SLIT1: variants seen among roughly 807,000 people sequenced by gnomAD.
SLIT1 encodes the protein slit homolog 1 protein.
A neutral mutation model predicts 186.1 loss-of-function variants in SLIT1; 66 were observed. The observed-to-expected ratio is 0.35, with a 90% CI of 0.29 to 0.44. The LOEUF (loss-of-function observed/expected upper bound fraction) is 0.44. Among genes scored for constraint, SLIT1 ranks in the 20% least tolerant of loss-of-function variants. The pLI is 1.00. For synonymous variants in SLIT1, 761 were observed against 833.8 expected, an observed-to-expected ratio of 0.91 and a Z score of 1.50; for missense variants, 1,638 against 2,037.4, an observed-to-expected ratio of 0.80 and a Z score of 3.77.
intron 4 of SLIT1, among the ~76,000 whole-genome samples, chr10:97,096,282 A>C (rs529996201): frequency 6.6e-6 from 1 of 152,272 alleles, no homozygotes; most frequent in African/African-American, 2.4e-5. Flanking sequence ...CTGAGAAAAG[A>C]AAATAAGTAT....
intron 4 of SLIT1, among the ~76,000 whole-genome samples, chr10:97,080,512 G>T (rs1216917652): frequency 6.6e-6 from 1 of 152,204 alleles, no homozygotes; most frequent in African/African-American, 2.4e-5. Flanking sequence ...TAGTTGGGCA[G>T]TTTCCCATTT....
At chr10:97,055,085 C>T (rs1213854462) in intron 13 of SLIT1, among the ~76,000 whole-genome samples, 1 of 152,042 alleles carries the variant, frequency 6.6e-6, no homozygotes, top group African/African-American at 2.4e-5. Context: ...GGCGTGGTGA[C>T]GGGCGCCTGT....
At chr10:97,105,001 T>C (rs1473599440) in intron 4 of SLIT1, among the ~76,000 whole-genome samples, 1 of 151,400 alleles carries the variant, frequency 6.6e-6, no homozygotes, top group African/African-American at 2.4e-5. Context: ...CGGTGCTGAG[T>C]AGGCCACTTT....
chr10:97,077,586 A>G (rs1483176158), intron 4 of SLIT1, among the ~76,000 whole-genome samples: 2 of 152,152 alleles, frequency 1.3e-5, no homozygotes, highest in East Asian at 1.9e-4. Flanking sequence ...TTTCTGTAAC[A>G]TAAGTTTGTA....
At chr10:97,020,820 G>C (rs560139677) in intron 26 of SLIT1, among the ~76,000 whole-genome samples, 24 of 152,378 alleles carry the variant, frequency 1.6e-4, no homozygotes, top group African/African-American at 5.0e-4. Flanking sequence ...GCCGGAACCA[G>C]CCTCCAGTGA....
intron 4 of SLIT1, chr10:97,102,002 TG>T (rs1434397415): frequency 6.6e-6 from 1 of 152,186 alleles, no homozygotes; most frequent in Non-Finnish European, 1.5e-5. Context: ...TCTCAAAGGG[TG>T]GTCGTGGACC....
At position 96,999,924 on chromosome 10, in the gene SLIT1, A is replaced by G. The variant is rs1342014833; in HGVS notation, c.*1188T>C. On this transcript the variant is annotated 3_prime_UTR_variant, in exon 37 of 37. Coordinates refer to ENST00000266058, the MANE Select transcript of SLIT1 (RefSeq NM_003061.3). ...GCACATAAATACTTTTGATGTGATC[A>G]ATGTAGATAGATAGATAGATAGATA... 1 of 150,246 alleles carries G rather than the reference A, an allele frequency of 6.7e-6. No individual in the cohort carries two copies. Among genetic ancestry groups the G allele is most frequent in the Non-Finnish European group, 1.5e-5 (1 of 67,942 alleles). 9.3% of individuals were successfully genotyped at this position (150,246 alleles called of 1,614,324 possible).
Position 97,047,989 on chromosome 10 carries a change from C to T in SLIT1, c.1473G>A (p.Glu491=). The change falls in exon 15 of 37, where the codon GAG becomes GAA. Residue 491 remains glutamate, a synonymous_variant. Coordinates refer to ENST00000266058, the MANE Select transcript of SLIT1 (RefSeq NM_003061.3). ...KSKKFRCSAK[E]QYFIPGTEDY... is the part of the protein sequence containing the mutation. ...CTCTCCTACCTGGAATGAAGTACTG[C>T]TCTTTGGCTGGGAAGAGAAGCAGAA... The T allele has an allele frequency of 6.2e-7, 1 of 1,614,196 alleles. No individual in the cohort carries two copies. Among genetic ancestry groups the T allele is most frequent in the East Asian group, 2.2e-5 (1 of 44,888 alleles).
At chr10:97,034,425 C>T in intron 23 of SLIT1, 46 bp downstream of exon 23, 1 of 1,376,810 alleles carries the variant, frequency 7.3e-7, no homozygotes. Flanking sequence ...GAATGACTCA[C>T]AGCCATGGCC....
At chr10:97,162,521 G>A (rs1364263136) in intron 3 of SLIT1, among the ~76,000 whole-genome samples, 1 of 152,196 alleles carries the variant, frequency 6.6e-6, no homozygotes, top group African/African-American at 2.4e-5. Context: ...GCTGAGGCGG[G>A]GGAATCGCTT....
chr10:97,098,478 G>A (rs1322822034), intron 4 of SLIT1, among the ~76,000 whole-genome samples: 1 of 152,196 alleles, frequency 6.6e-6, no homozygotes, highest in Non-Finnish European at 1.5e-5. Flanking sequence ...AGGACTTGGC[G>A]AGGCAGAGTA....
At position 97,153,889 on chromosome 10, in the gene SLIT1, C is replaced by G. The variant is rs987178362; in HGVS notation, c.413+3929G>C. 4 of 152,212 alleles carry G rather than the reference C, an allele frequency of 2.6e-5. 1 individual carries two copies. The highest frequency in any genetic ancestry group is 9.6e-5 in the African/African-American group (4 of 41,454). 9.4% of individuals were successfully genotyped at this position (152,212 alleles called of 1,614,324 possible). A position where few individuals can be genotyped will look rare whatever the true frequency, so the allele number is the denominator to read the frequency against. ...AAATAACGAGAAATGGCCCTCACAT[C>G]TCAGTGCAGGTCCCTGGGAGGGCCA... On this transcript the variant is annotated intron_variant, in intron 4 of 36. Coordinates refer to ENST00000266058, the MANE Select transcript of SLIT1 (RefSeq NM_003061.3).
chr10:97,043,182 G>T lies in SLIT1; in HGVS notation c.1998-115C>A. ...CATGGCCACATGGCACTGTCTCCCA[G>T]ACCACCACCCATCACCAAGAGGACC... is the stretch of plus-strand genomic sequence containing the variant. On this transcript the variant is annotated intron_variant, in intron 19 of 36. Coordinates refer to ENST00000266058, the MANE Select transcript of SLIT1 (RefSeq NM_003061.3). This position sits in a 1 kb window ranked among gnomAD's most constrained non-coding sequence, Gnocchi z 7.0. 7.4e-7 allele frequency: 1 copy of T among 1,352,716 alleles called. No individual in the cohort carries two copies. Among genetic ancestry groups the T allele is most frequent in the South Asian group, 1.3e-5 (1 of 74,230 alleles). 83.8% of individuals were successfully genotyped at this position (1,352,716 alleles called of 1,614,324 possible). A position where few individuals can be genotyped will look rare whatever the true frequency, so the allele number is the denominator to read the frequency against.
intron 4 of SLIT1, among the ~76,000 whole-genome samples, chr10:97,067,958 T>C (rs796924906): frequency 3.2e-4 from 49 of 152,300 alleles, no homozygotes; most frequent in African/African-American, 1.2e-3. Flanking sequence ...CTGCCCTGTC[T>C]GGGTTTCCCT....
chr10:97,001,393 A>T, intron 36 of SLIT1, 43 bp from the exon 37 acceptor site: 1 of 1,484,500 alleles, frequency 6.7e-7, no homozygotes, highest in Non-Finnish European at 9.3e-7. Context: ...GGGCACACCC[A>T]TGGGTGAGCT....
rs3837348 is a variant in SLIT1, at chr10:97,018,817, C to CTTCATTCA, written c.2872-142_2872-135dup. 2.5e-3 allele frequency: 1,637 copies of CTTCATTCA among 646,472 alleles called. 5 individuals carry two copies. The highest frequency in any genetic ancestry group is 8.7e-3 in the East Asian group (312 of 35,930). 40.0% of individuals were successfully genotyped at this position (646,472 alleles called of 1,614,324 possible). ...TTGTTTTCATTCATTCATTCGTCCACTTCATTCATTCATTCATTCATTCAT... is the reference window on the plus strand; with the variant it reads ...TTGTTTTCATTCATTCATTCGTCCACTTCATTCATTCATTCATTCATTCATTCATTCAT... On this transcript the variant is annotated intron_variant, in intron 27 of 36. Transcript: ENST00000266058.
At chr10:97,080,552 A>G (rs2134653810) in intron 4 of SLIT1, among the ~76,000 whole-genome samples, 1 of 152,356 alleles carries the variant, frequency 6.6e-6, no homozygotes, top group East Asian at 1.9e-4. Context: ...AAGGACAGTC[A>G]GATTGCCCCA....
intron 11 of SLIT1, chr10:97,058,200 C>A: frequency 1.6e-6 from 1 of 643,154 alleles, no homozygotes; most frequent in Non-Finnish European, 2.9e-6. Flanking sequence ...ATTTCAGAAA[C>A]ACCCCTCAAG....
At position 97,066,666 on chromosome 10, in the gene SLIT1, C is replaced by T. The variant is rs1480901184; in HGVS notation, c.414-580G>A. Among the ~76,000 whole-genome samples the T allele has an allele frequency of 2.0e-5, 3 of 152,300 alleles. No homozygotes were observed. The East Asian group carries it at 5.8e-4, about 29-fold the overall frequency. ...TTCAGGCTTCCGCCATGAGAAAAAG[C>T]TCCCTGAGGCCTCCCCAGAAGTAGA... On this transcript the variant is annotated intron_variant, in intron 4 of 36. Coordinates refer to ENST00000266058, the MANE Select transcript of SLIT1 (RefSeq NM_003061.3).
Sources: allele counts gnomAD v4.1 joint callset (sites outside exome capture counted in the v4.1 genomes callset), GRCh38; gene constraint gnomAD v4.1.1; non-coding constraint Gnocchi (gnomAD v3.1); transcripts MANE v1.5; gene names NCBI Gene and HGNC (gene_info 2026-07-23, HGNC 2026-07-21).